Variants in AMPD3 observed in about 807,000 individuals in gnomAD.
The protein encoded by AMPD3 is AMP deaminase 3.
Under a neutral mutation model 82.3 loss-of-function variants are expected in AMPD3, and 57 were observed. The observed-to-expected ratio is 0.69, with a 90% CI of 0.56 to 0.86. AMPD3 has a LOEUF of 0.86. AMPD3 is among the 40% of genes least tolerant of loss of function. The pLI is 0.00. For missense variants in AMPD3, 870 were observed against 1,003.8 expected (o/e 0.87, Z 1.80); for synonymous variants, 381 against 394.7 (o/e 0.97, Z 0.41).
At chr11:10,474,335 A>T (rs1271708589) in intron 2 of AMPD3, among the ~76,000 whole-genome samples, 2 of 152,208 alleles carry the variant, frequency 1.3e-5, no homozygotes, top group African/African-American at 4.8e-5. Flanking sequence ...CCTGCCTAGT[A>T]GTCATCTGGA....
At chr11:10,489,408 C>T (rs1000893518) in intron 6 of AMPD3, among the ~76,000 whole-genome samples, 3 of 152,194 alleles carry the variant, frequency 2.0e-5, no homozygotes, top group East Asian at 1.9e-4. Context: ...TAAGGTGGGG[C>T]CCCAGTGGGT....
At chr11:10,465,496 G>A (rs1564840317) in intron 2 of AMPD3, among the ~76,000 whole-genome samples, 1 of 152,248 alleles carries the variant, frequency 6.6e-6, no homozygotes, top group African/African-American at 2.4e-5. Context: ...GGTGATTTCT[G>A]CATTTCCAAC....
upstream of AMPD3, among the ~76,000 whole-genome samples, chr11:10,451,407 T>TCCAGGAGGC (rs1847959531): frequency 6.6e-6 from 1 of 152,220 alleles, no homozygotes; most frequent in African/African-American, 2.4e-5. Flanking sequence ...TGAGGTGGAC[T>TCCAGGAGGC]TCTACCTGGA....
chr11:10,496,404 C>G (rs911479822), intron 9 of AMPD3: 2 of 985,432 alleles, frequency 2.0e-6, no homozygotes, highest in African/African-American at 3.5e-5. Context: ...CTGCTGTCCT[C>G]TCCAGGCGGC....
At chr11:10,494,824 C>G in intron 7 of AMPD3, 75 bp from the exon 8 acceptor site, 3 of 1,582,022 alleles carry the variant, frequency 1.9e-6, no homozygotes, top group African/African-American at 1.3e-5. Flanking sequence ...AAGGCCGCCT[C>G]GTAAAGGTCT....
At chr11:10,482,392 C>A (rs1591465202) in intron 4 of AMPD3, among the ~76,000 whole-genome samples, 167 bp downstream of exon 4, 1 of 152,344 alleles carries the variant, frequency 6.6e-6, no homozygotes, top group Non-Finnish European at 1.5e-5. Flanking sequence ...AGGATTGATT[C>A]TATGTGTACT....
chr11:10,472,733 G>A (rs1024678743), intron 2 of AMPD3, among the ~76,000 whole-genome samples: 5 of 152,164 alleles, frequency 3.3e-5, no homozygotes, highest in African/African-American at 1.2e-4. Flanking sequence ...GCTGGGCGCG[G>A]TGGCTCACAC....
chr11:10,505,916 G>C lies in AMPD3; in HGVS notation c.*32G>C, dbSNP rs1849705396. The C allele has an allele frequency of 6.2e-7, 1 of 1,613,038 alleles. No homozygotes were observed. Among genetic ancestry groups the C allele is most frequent in the African/African-American group, 1.3e-5 (1 of 75,010 alleles). ...CATTTGACATGCATTTTAACTTTTT[G>C]GTTCAATTTCAAGTCTGCTGTGGCT... is the stretch of plus-strand genomic sequence containing the variant. On this transcript the variant is annotated 3_prime_UTR_variant, in exon 15 of 15. Transcript: ENST00000396553.
At position 10,505,764 on chromosome 11, in the gene AMPD3, T is replaced by C; in HGVS notation, c.2184T>C (p.Asp728=). The C allele has an allele frequency of 2.5e-6, 4 of 1,614,198 alleles. No individual in the cohort carries two copies. Among genetic ancestry groups the C allele is most frequent in the Non-Finnish European group, 3.4e-6 (4 of 1,180,040 alleles). ...NYYKEGPEGN[D]IRKTNVAQIR... ...ATAAAGAAGGACCTGAAGGAAATGA[T>C]ATTCGAAAGACAAATGTGGCTCAGA... The change falls in exon 15 of 15, where the codon GAT becomes GAC. Residue 728 remains aspartate, a synonymous_variant. Transcript: ENST00000396553.
chr11:10,503,961 C>A, intron 13 of AMPD3: 1 of 985,382 alleles, frequency 1.0e-6, no homozygotes, highest in Non-Finnish European at 1.2e-6. Flanking sequence ...AGGTCACAGA[C>A]GGCTTGTGAT....
rs937425335 is a variant in AMPD3, at chr11:10,478,552, C to T, written c.248C>T (p.Ser83Phe). Residue 83 changes from serine to phenylalanine, a missense_variant, in exon 3 of 15, where the codon TCC becomes TTC. By Grantham distance (155) the Ser-to-Phe change is radical (BLOSUM62 -2). Coordinates refer to ENST00000396553, the MANE Select transcript of AMPD3 (RefSeq NM_001025389.2). ...AAGAAAAGTTTCAAGATGATTCGGT[C>T]CCAGTCCCTGTCTCTGCAAATGCCG... ...KRKKSFKMIR[S>F]QSLSLQMPPQ... The T allele has an allele frequency of 1.4e-5, 22 of 1,614,060 alleles. No individual in the cohort carries two copies. The highest frequency in any genetic ancestry group is 1.9e-5 in the Non-Finnish European group (22 of 1,180,036).
chr11:10,460,427 G>A (rs1377707318), intron 1 of AMPD3, among the ~76,000 whole-genome samples: 1 of 146,766 alleles, frequency 6.8e-6, no homozygotes, highest in Non-Finnish European at 1.5e-5. Context: ...TTTTTTTTGA[G>A]GCAGAGTCCC....
intron 6 of AMPD3, chr11:10,488,139 G>A: frequency 1.1e-6 from 1 of 896,582 alleles, no homozygotes; most frequent in Non-Finnish European, 1.3e-6. Flanking sequence ...GGGGATGGCA[G>A]CCTTGTCCGG....
At chr11:10,494,764 G>A (rs1849340664) in intron 7 of AMPD3, 135 bp from the exon 8 acceptor site, 1 of 1,565,088 alleles carries the variant, frequency 6.4e-7, no homozygotes, top group Non-Finnish European at 8.7e-7. Context: ...AGTTTCTAAG[G>A]TTTCATGCAA....
chr11:10,485,394 G>A (rs1435947349), intron 5 of AMPD3, among the ~76,000 whole-genome samples: 7 of 152,064 alleles, frequency 4.6e-5, no homozygotes, highest in Non-Finnish European at 8.8e-5. Context: ...CTACAGGCAC[G>A]TGCCACCATG....
intron 6 of AMPD3, among the ~76,000 whole-genome samples, chr11:10,491,093 C>G (rs1849227469): frequency 6.6e-6 from 1 of 152,208 alleles, no homozygotes; most frequent in Admixed American, 6.5e-5. Flanking sequence ...GGACAGCATT[C>G]CCTGCCCTGA....
At chr11:10,470,245 C>G in intron 2 of AMPD3, among the ~76,000 whole-genome samples, 1 of 152,086 alleles carries the variant, frequency 6.6e-6, no homozygotes, top group Non-Finnish European at 1.5e-5. Flanking sequence ...GCAGAAAAGT[C>G]CTTCAATATA....
upstream of AMPD3, chr11:10,451,041 C>G (rs774348662): frequency 6.3e-7 from 1 of 1,580,726 alleles, no homozygotes; most frequent in South Asian, 1.1e-5. Flanking sequence ...TCGTCCGAAC[C>G]CGGTGAGTGC....
intron 1 of AMPD3, chr11:10,460,840 G>A (rs1325478204): frequency 2.1e-6 from 2 of 961,708 alleles, no homozygotes; most frequent in African/African-American, 3.5e-5. Context: ...TGTTAGTAAG[G>A]AATCAGTATG....
Sources: allele counts gnomAD v4.1 joint callset (sites outside exome capture counted in the v4.1 genomes callset), GRCh38; gene constraint gnomAD v4.1.1; transcripts MANE v1.5; gene names NCBI Gene and HGNC (gene_info 2026-07-23, HGNC 2026-07-21).